Variants in NEDD4 observed in about 807,000 individuals in gnomAD.
NEDD4 encodes NEDD4 E3 ubiquitin protein ligase.
Under a neutral mutation model 144.9 loss-of-function variants are expected in NEDD4, and 99 were observed. The ratio of observed to expected loss-of-function variants is 0.68; its 90% CI spans 0.58 to 0.81. The LOEUF (loss-of-function observed/expected upper bound fraction) is 0.81, where lower values mean the gene tolerates loss of function less well. NEDD4 is among the 30% of genes least tolerant of loss of function. The pLI is 0.00. For synonymous variants in NEDD4, 318 were observed against 350.6 expected (o/e 0.91, Z 1.04); for missense variants, 985 against 1,065.9 (o/e 0.92, Z 1.06).
At chr15:55,904,491 C>A (rs1397182722) in intron 5 of NEDD4, among the ~76,000 whole-genome samples, 1 of 151,904 alleles carries the variant, frequency 6.6e-6, no homozygotes, top group South Asian at 2.1e-4. Flanking sequence ...TCAGTAGAGA[C>A]GAGGTTTTAC....
At position 55,842,175 on chromosome 15, in the gene NEDD4, G is replaced by C. The variant is rs747893773; in HGVS notation, c.1609-12C>G. The C allele has an allele frequency of 2.6e-5, 41 of 1,603,592 alleles. No individual in the cohort carries two copies. The highest frequency in any genetic ancestry group is 3.3e-5 in the Admixed American group (2 of 59,994). ...TTTGGAATGTCATTCTGAAAATCCA[G>C]AGGAGAGACGTACTGTTTAAATCAG... On this transcript the variant is annotated splice_polypyrimidine_tract_variant and intron_variant, in intron 18 of 28. Coordinates refer to ENST00000435532, the MANE Select transcript of NEDD4 (RefSeq NM_006154.4).
In NEDD4 at chr15:55,966,501, G is replaced by A. The variant is rs764920077; in HGVS notation, c.91C>T (p.Leu31Phe). Residue 31 changes from leucine to phenylalanine, a missense_variant, in exon 2 of 29, where the codon CTT (leucine) becomes TTT (phenylalanine). Coordinates refer to ENST00000435532, the MANE Select transcript of NEDD4 (RefSeq NM_006154.4). Reference sequence around the variant, plus strand: ...GCTCCCAATATATCCTTCTTGGCAAGGCCTATTCCGGCTATAACTCTTACT... The same window carrying A: ...GCTCCCAATATATCCTTCTTGGCAAAGCCTATTCCGGCTATAACTCTTACT... ...VRVRVIAGIGLAKKDILGASD... is the reference protein window; with the variant it reads ...VRVRVIAGIGFAKKDILGASD... 1 of 1,533,582 alleles carries A rather than the reference G, an allele frequency of 6.5e-7. No individual in the cohort carries two copies. Among genetic ancestry groups the A allele is most frequent in the African/African-American group, 1.4e-5 (1 of 72,112 alleles). The allele number at this position is 1,533,582 out of a possible 1,614,324, so 95.0% of individuals were successfully genotyped here.
At chr15:55,952,118 G>A (rs1428387504) in intron 2 of NEDD4, among the ~76,000 whole-genome samples, 1 of 151,726 alleles carries the variant, frequency 6.6e-6, no homozygotes, top group Admixed American at 6.6e-5. Context: ...CATGAGGTCA[G>A]GAGATCAAGA....
In NEDD4 at chr15:55,860,776, T is replaced by A. The variant is rs774221893; in HGVS notation, c.677A>T (p.Asp226Val). ...GCCATTCTCAGCATCTGTTAGGTTG[T>A]CCCTATATTGGAAGTATAAAAAGCC... The part of the protein sequence containing the change: ...RTQWKRPTPQ[D>V]NLTDAENGNI... Residue 226 changes from aspartate to valine, a missense_variant and splice_region_variant, in exon 10 of 29, where the codon GAC (aspartate) becomes GTC (valine). Asp to Val is a radical substitution (Grantham distance 152). Coordinates refer to ENST00000435532, the MANE Select transcript of NEDD4 (RefSeq NM_006154.4). The A allele has an allele frequency of 1.6e-5, 26 of 1,613,392 alleles. No homozygotes were observed. The highest frequency in any genetic ancestry group is 2.2e-5 in the Non-Finnish European group (26 of 1,179,588).
intron 4 of NEDD4, among the ~76,000 whole-genome samples, chr15:55,939,541 G>T (rs1171319046): frequency 6.6e-6 from 1 of 152,082 alleles, no homozygotes; most frequent in African/African-American, 2.4e-5. Flanking sequence ...AATGAACCAA[G>T]GACTTCAACA....
Position 55,882,065 on chromosome 15 carries a change from T to C in NEDD4, c.292-8057A>G, listed in dbSNP as rs1388877644. ...AAATGTTCCAACAAACGTGCAGAAGTCTCTTCCTAATTTTGGTTTTTAAAA... is the reference window on the plus strand; with the variant it reads ...AAATGTTCCAACAAACGTGCAGAAGCCTCTTCCTAATTTTGGTTTTTAAAA... On this transcript the variant is annotated intron_variant, in intron 5 of 28. Coordinates refer to ENST00000435532, the MANE Select transcript of NEDD4 (RefSeq NM_006154.4). 3.3e-5 allele frequency among the ~76,000 whole-genome samples: 5 copies of C among 152,102 alleles called. 1 individual carries two copies. Among genetic ancestry groups the C allele is most frequent in the African/African-American group, 1.2e-4 (5 of 41,402 alleles).
At position 55,833,038 on chromosome 15, in the gene NEDD4, C is replaced by T; in HGVS notation, c.2497G>A (p.Val833Met). Residue 833 changes from valine to methionine, a missense_variant, in exon 27 of 29, where the codon GTG becomes ATG. Coordinates refer to ENST00000435532, the MANE Select transcript of NEDD4 (RefSeq NM_006154.4). ...LLQFVTGTSR[V>M]PMNGFAELYG... The stretch of plus-strand genomic sequence containing the variant: ...AGTTCAGCAAATCCATTCATAGGCA[C>T]CCGAGATGTGCCAGTGACAAACTGA... 1 of 1,613,178 alleles carries T rather than the reference C, an allele frequency of 6.2e-7. No homozygotes were observed. The highest frequency in any genetic ancestry group is 8.5e-7 in the Non-Finnish European group (1 of 1,179,588).
intron 1 of NEDD4, chr15:55,991,891 G>A (rs1305572543): frequency 1.3e-5 from 2 of 152,232 alleles, no homozygotes; most frequent in African/African-American, 4.8e-5. Context: ...CACTGATCAT[G>A]TACCAAGAGG....
At chr15:55,991,311 G>C (rs1237272681) in intron 1 of NEDD4, among the ~76,000 whole-genome samples, 2 of 152,132 alleles carry the variant, frequency 1.3e-5, no homozygotes, top group Admixed American at 6.5e-5. Flanking sequence ...GGGAGGATGG[G>C]GGAGTGTGGT....
At chr15:55,869,703 T>C (rs1253487411) in intron 7 of NEDD4, 22 bp from the exon 8 acceptor site, 1 of 1,399,040 alleles carries the variant, frequency 7.1e-7, no homozygotes, top group Non-Finnish European at 9.9e-7. Flanking sequence ...AAAATAAATA[T>C]TCATAAAACT....
chr15:55,911,991 T>C (rs1276093492), intron 5 of NEDD4, among the ~76,000 whole-genome samples: 1 of 152,188 alleles, frequency 6.6e-6, no homozygotes, highest in Non-Finnish European at 1.5e-5. Flanking sequence ...CTACAGAGAA[T>C]ACAAAATGTT....
intron 5 of NEDD4, chr15:55,916,857 G>A (rs2036467393): frequency 1.3e-6 from 2 of 1,560,408 alleles, no homozygotes; most frequent in Non-Finnish European, 8.7e-7. Flanking sequence ...AACATGTTAA[G>A]GGCTGAAAGT....
At chr15:55,842,602 T>A (rs1198767203) in intron 18 of NEDD4, among the ~76,000 whole-genome samples, 2 of 152,180 alleles carry the variant, frequency 1.3e-5, no homozygotes, top group African/African-American at 4.8e-5. Context: ...GGTCTCAAAC[T>A]CCTAAGCTCT....
rs1566907943 is a variant in NEDD4, at chr15:55,848,804, AC to A, written c.1428+1del. ...GATGGGTTAGCATTTCTATACACTT[AC>A]AGGTAAAGGCCCTAGATCATTGGAA... On this transcript the variant is annotated splice_donor_variant, in intron 15 of 28. Coordinates refer to ENST00000435532, the MANE Select transcript of NEDD4 (RefSeq NM_006154.4). LOFTEE classifies it high-confidence loss of function. 1.2e-6 allele frequency: 2 copies of A among 1,612,438 alleles called. No individual in the cohort carries two copies. Among genetic ancestry groups the A allele is most frequent in the Admixed American group, 3.3e-5 (2 of 59,968 alleles).
intron 5 of NEDD4, among the ~76,000 whole-genome samples, chr15:55,911,388 A>G (rs533357859): frequency 6.6e-6 from 1 of 152,166 alleles, no homozygotes; most frequent in African/African-American, 2.4e-5. Context: ...ACTCCAGTTT[A>G]CCTATCAAGA....
At chr15:55,973,241 A>G (rs1164358706) in intron 1 of NEDD4, among the ~76,000 whole-genome samples, 1 of 152,236 alleles carries the variant, frequency 6.6e-6, no homozygotes, top group Non-Finnish European at 1.5e-5. Context: ...GCCACAAAAG[A>G]AGTCTTTAAA....
At position 55,832,993 on chromosome 15, in the gene NEDD4, A is replaced by C; in HGVS notation, c.2527+15T>G. The C allele has an allele frequency of 6.4e-7, 1 of 1,570,556 alleles. No homozygotes were observed. Among genetic ancestry groups the C allele is most frequent in the Non-Finnish European group, 8.7e-7 (1 of 1,146,232 alleles). ...CATTATTCCATTTTTTTAATGATCT[A>C]TGGAAAATCCTTACCGTATAGTTCA... On this transcript the variant is annotated intron_variant, in intron 27 of 28. Coordinates refer to ENST00000435532, the MANE Select transcript of NEDD4 (RefSeq NM_006154.4).
intron 5 of NEDD4, among the ~76,000 whole-genome samples, chr15:55,881,142 TC>T (rs2035177193): frequency 7.0e-6 from 1 of 142,350 alleles, no homozygotes; most frequent in South Asian, 2.2e-4. Context: ...TCTTTTCTTT[TC>T]TTTTTTTTTT....
chr15:55,877,857 C>G (rs2035047009), intron 5 of NEDD4, among the ~76,000 whole-genome samples: 1 of 151,884 alleles, frequency 6.6e-6, no homozygotes, highest in Non-Finnish European at 1.5e-5. Flanking sequence ...TTTTTTTACT[C>G]AAATTGTCCC....
Sources: gnomAD v4.1 joint callset for allele counts (sites outside exome capture counted in the v4.1 genomes callset) on GRCh38, gnomAD v4.1.1 for gene constraint, MANE v1.5 for transcripts, NCBI Gene and HGNC (gene_info 2026-07-23, HGNC 2026-07-21) for gene names.